The following CNOT6L variants were observed in gnomAD, a reference collection of about 807,000 sequenced individuals.
CNOT6L encodes CCR4-NOT transcription complex subunit 6 like, also known as CCR4-NOT transcription complex subunit 6-like.
CNOT6L carries 7 observed loss-of-function variants against 64.0 expected under a neutral mutation model. The ratio of observed to expected loss-of-function variants is 0.11; its 90% CI spans 0.06 to 0.21. The LOEUF is 0.21. CNOT6L is among the 10% of genes least tolerant of loss of function. CNOT6L has a pLI of 1.00. For missense variants in CNOT6L, 245 were observed against 669.0 expected (o/e 0.37, Z 6.99); for synonymous variants, 193 against 243.4 (o/e 0.79, Z 1.93).
chr4:77,718,705 T>C lies in CNOT6L; in HGVS notation c.*1726A>G, dbSNP rs1358539769. Reference sequence around the variant, plus strand: ...CCCTCGTCCCACTAAAATTACCCTCTGGGGAAATATTACCTTATATAGCCT... The same window carrying C: ...CCCTCGTCCCACTAAAATTACCCTCCGGGGAAATATTACCTTATATAGCCT... On this transcript the variant is annotated 3_prime_UTR_variant, in exon 12 of 12. Coordinates refer to ENST00000504123, the MANE Select transcript of CNOT6L (RefSeq NM_144571.3). 1.3e-5 allele frequency: 2 copies of C among 152,538 alleles called. No homozygotes were observed. Among genetic ancestry groups the C allele is most frequent in the African/African-American group, 2.4e-5 (1 of 41,428 alleles). 9.4% of individuals were successfully genotyped at this position (152,538 alleles called of 1,614,324 possible). A position where few individuals can be genotyped will look rare whatever the true frequency, so the allele number is the denominator to read the frequency against.
At chr4:77,783,863 T>C (rs1453100020) in intron 1 of CNOT6L, among the ~76,000 whole-genome samples, 2 of 150,530 alleles carry the variant, frequency 1.3e-5, no homozygotes, top group Admixed American at 6.6e-5. Flanking sequence ...CAGTTTATTC[T>C]TGGGGCTCTA....
At chr4:77,794,100 C>A (rs1323892199) in intron 1 of CNOT6L, among the ~76,000 whole-genome samples, 7 of 120,374 alleles carry the variant, frequency 5.8e-5, no homozygotes, top group African/African-American at 1.9e-4. Flanking sequence ...TGCAGTGAGC[C>A]CAGATCGCAC....
intron 1 of CNOT6L, among the ~76,000 whole-genome samples, chr4:77,808,945 C>T (rs1190988635): frequency 2.6e-5 from 4 of 152,094 alleles, no homozygotes; most frequent in African/African-American, 4.8e-5. Flanking sequence ...ATCTTGGGCA[C>T]GTTAATTAAC....
intron 5 of CNOT6L, among the ~76,000 whole-genome samples, chr4:77,748,865 A>C (rs1178735822): frequency 6.6e-6 from 1 of 152,172 alleles, no homozygotes; most frequent in Middle Eastern, 3.2e-3. Context: ...TTATAATGTC[A>C]GCACAAAACA....
At chr4:77,791,357 G>A (rs998297138) in intron 1 of CNOT6L, among the ~76,000 whole-genome samples, 2 of 151,930 alleles carry the variant, frequency 1.3e-5, no homozygotes, top group Non-Finnish European at 2.9e-5. Context: ...CATTGAGAAA[G>A]CTATATATTA....
At chr4:77,742,961 C>T (rs1489831947) in intron 7 of CNOT6L, among the ~76,000 whole-genome samples, 1 of 152,040 alleles carries the variant, frequency 6.6e-6, no homozygotes, top group Non-Finnish European at 1.5e-5. Context: ...AACCCATAAA[C>T]AACTAAATGT....
intron 4 of CNOT6L, among the ~76,000 whole-genome samples, chr4:77,767,062 C>CAAAA (rs56926683): frequency 2.3e-4 from 6 of 25,948 alleles, no homozygotes; most frequent in African/African-American, 4.4e-4. Context: ...AACTCCGTCT[C>CAAAA]AAAAAAAAAA....
intron 11 of CNOT6L, among the ~76,000 whole-genome samples, chr4:77,724,788 G>A (rs1487825683): frequency 6.6e-6 from 1 of 152,138 alleles, no homozygotes; most frequent in Non-Finnish European, 1.5e-5. Context: ...TACGCTGGCA[G>A]ATATATATCA....
intron 1 of CNOT6L, among the ~76,000 whole-genome samples, chr4:77,800,924 A>G (rs1488985127): frequency 6.6e-6 from 1 of 152,256 alleles, no homozygotes; most frequent in Admixed American, 6.5e-5. Context: ...AACAACTAGC[A>G]TTAAACAAAG....
chr4:77,781,181 G>A (rs898976819), intron 1 of CNOT6L, among the ~76,000 whole-genome samples: 2 of 152,028 alleles, frequency 1.3e-5, no homozygotes, highest in Non-Finnish European at 1.5e-5. Flanking sequence ...GGCCTGTCAG[G>A]GGGTAGGGGG....
chr4:77,783,323 G>C lies in CNOT6L; in HGVS notation c.6-6931C>G, dbSNP rs551140987. Among the ~76,000 whole-genome samples, 6 of 152,230 alleles carry C rather than the reference G, an allele frequency of 3.9e-5. No homozygotes were observed. In the East Asian group the frequency reaches 1.2e-3, roughly 29 times the overall value. ...CGACATTTACTGTACCAAGCACTAG[G>C]GTGCTTCAATAGTGAACAAGTTGGA... On this transcript the variant is annotated intron_variant, in intron 1 of 11. Transcript: ENST00000504123.
intron 5 of CNOT6L, among the ~76,000 whole-genome samples, chr4:77,752,530 C>G (rs945726780): frequency 2.6e-5 from 4 of 152,072 alleles, no homozygotes; most frequent in Non-Finnish European, 4.4e-5. Flanking sequence ...GATATGTTCT[C>G]TAACCACCAT....
intron 2 of CNOT6L, 97 bp downstream of exon 2, chr4:77,776,174 C>A: frequency 8.5e-7 from 1 of 1,180,112 alleles, no homozygotes. Flanking sequence ...TTCAATGAGT[C>A]CATCTAATTA....
At chr4:77,781,009 A>G (rs1372814741) in intron 1 of CNOT6L, among the ~76,000 whole-genome samples, 1 of 152,192 alleles carries the variant, frequency 6.6e-6, no homozygotes, top group Non-Finnish European at 1.5e-5. Context: ...CATAAAAAAG[A>G]GTGAGTTCAT....
intron 4 of CNOT6L, among the ~76,000 whole-genome samples, chr4:77,765,830 T>A (rs1434398262): frequency 6.6e-6 from 1 of 152,168 alleles, no homozygotes; most frequent in African/African-American, 2.4e-5. Flanking sequence ...ACTGTTACCC[T>A]GGGGAAGCAA....
chr4:77,788,042 A>C (rs1476825487), intron 1 of CNOT6L, among the ~76,000 whole-genome samples: 1 of 152,204 alleles, frequency 6.6e-6, no homozygotes, highest in Non-Finnish European at 1.5e-5. Context: ...ACTTTCTTTG[A>C]CCAAACTTCT....
chr4:77,809,538 G>T (rs1356737905), intron 1 of CNOT6L, among the ~76,000 whole-genome samples: 1 of 152,088 alleles, frequency 6.6e-6, no homozygotes, highest in African/African-American at 2.4e-5. Context: ...TATTGCAGAA[G>T]ATTGTACTAA....
At chr4:77,781,569 T>C (rs951573999) in intron 1 of CNOT6L, among the ~76,000 whole-genome samples, 5 of 152,162 alleles carry the variant, frequency 3.3e-5, no homozygotes, top group Admixed American at 3.3e-4. Flanking sequence ...AATATACTAT[T>C]GTTAACCCCA....
rs1393900136 is a variant in CNOT6L at position 77,719,228 on chromosome 4, C to T, written c.*1203G>A. 6.6e-6 allele frequency: 1 copy of T among 152,590 alleles called. No individual in the cohort carries two copies. The highest frequency in any genetic ancestry group is 2.4e-5 in the African/African-American group (1 of 41,440). The allele number at this position is 152,590 out of a possible 1,614,324, so 9.5% of individuals were successfully genotyped here. ...AAAAAGATTCCAACATACCTAAAGG[C>T]ATCAACAATTGGGAATAAACCAGTA... On this transcript the variant is annotated 3_prime_UTR_variant, in exon 12 of 12. Transcript: ENST00000504123.
Sources: gnomAD v4.1 joint callset for allele counts (sites outside exome capture counted in the v4.1 genomes callset) on GRCh38, gnomAD v4.1.1 for gene constraint, MANE v1.5 for transcripts, NCBI Gene and HGNC (gene_info 2026-07-23, HGNC 2026-07-21) for gene names.